Variants in CUL9 observed in about 807,000 individuals in gnomAD.
CUL9 encodes the protein cullin-9.
CUL9 carries 79 observed loss-of-function variants against 272.6 expected under a neutral mutation model. That is an observed-to-expected ratio of 0.29 (90% CI 0.24 to 0.35). The LOEUF is 0.35. CUL9 is among the 10% of genes least tolerant of loss of function. CUL9 has a pLI of 1.00. For synonymous variants in CUL9, 1,186 were observed against 1,286.5 expected, an observed-to-expected ratio of 0.92 and a Z score of 1.67; for missense variants, 2,532 against 3,255.6, an observed-to-expected ratio of 0.78 and a Z score of 5.41.
At chr6:43,201,774 C>T (rs1361830154) in intron 16 of CUL9, among the ~76,000 whole-genome samples, 5 of 152,208 alleles carry the variant, frequency 3.3e-5, no homozygotes, top group Non-Finnish European at 5.9e-5. Context: ...CCACTGCGCC[C>T]GGCCGAAAGC....
At position 43,199,974 on chromosome 6, in the gene CUL9, C is replaced by T. The variant is rs770994901; in HGVS notation, c.3202C>T (p.His1068Tyr). The T allele has an allele frequency of 2.5e-6, 4 of 1,614,104 alleles. No individual in the cohort carries two copies. The South Asian group carries it at 4.4e-5, about 18-fold the overall frequency. Residue 1068 changes from histidine to tyrosine, a missense_variant, in exon 14 of 41, where the codon CAT becomes TAT. Around this residue, in one of 3 missense-constraint regions of CUL9, gnomAD observed 2,218 missense variants for 2,788.6 expected, o/e 0.80. Coordinates refer to ENST00000252050, the MANE Select transcript of CUL9 (RefSeq NM_015089.4). The surrounding 1 kb of genome is among the most constrained non-coding windows in gnomAD (Gnocchi z 4.4). Reference protein sequence around the residue: ...TCFLHRLASMHKDYAVVLCCL... With the variant: ...TCFLHRLASMYKDYAVVLCCL... ...CTTCCTACATCGCCTGGCCTCGATG[C>T]ATAAGGACTATGCTGTGGTGCTCTG...
rs376208550 is a variant in CUL9, at chr6:43,201,453, A to G, written c.3647+619A>G. ...CTTTAAGTCATCATATTTGGTTACA[A>G]TTGAAAGCTGTGTATATCTTTATTT... On this transcript the variant is annotated intron_variant, in intron 16 of 40. Coordinates refer to ENST00000252050, the MANE Select transcript of CUL9 (RefSeq NM_015089.4). 2.6e-5 allele frequency among the ~76,000 whole-genome samples: 4 copies of G among 152,274 alleles called. No individual in the cohort carries two copies. In the East Asian group the frequency reaches 5.8e-4, roughly 22 times the overall value.
chr6:43,214,947 G>T lies in CUL9; in HGVS notation c.5689-132G>T, dbSNP rs899282289. 19 of 1,055,066 alleles carry T rather than the reference G, an allele frequency of 1.8e-5. No homozygotes were observed. In the African/African-American group the frequency reaches 3.0e-4, roughly 17 times the overall value. 65.4% of individuals were successfully genotyped at this position (1,055,066 alleles called of 1,614,324 possible). A position where few individuals can be genotyped will look rare whatever the true frequency, so the allele number is the denominator to read the frequency against. On this transcript the variant is annotated intron_variant, in intron 29 of 40. Transcript: ENST00000252050. Reference sequence around the variant, plus strand: ...AGCTGTGATCAGGCCACTGCACTCTGGCCTGGGTGACAGAGCAAGACTGTC... The same window carrying T: ...AGCTGTGATCAGGCCACTGCACTCTTGCCTGGGTGACAGAGCAAGACTGTC...
rs766012438 is a variant in CUL9 at position 43,204,829 on chromosome 6, A to C, written c.4421A>C (p.Gln1474Pro). The stretch of plus-strand genomic sequence containing the variant: ...AGCAGCAGCCTGAGGAACATAACCC[A>C]GTGCTGGCTGAGCGTGGTGCAGGAG... ...LPSSSLRNIT[Q>P]CWLSVVQEQV... Residue 1474 changes from glutamine to proline, a missense_variant, in exon 22 of 41, where the codon CAG becomes CCG. Gln to Pro is a moderately conservative substitution (Grantham distance 76, BLOSUM62 -1). Transcript: ENST00000252050. 1 of 1,614,220 alleles carries C rather than the reference A, an allele frequency of 6.2e-7. No homozygotes were observed. The highest frequency in any genetic ancestry group is 8.5e-7 in the Non-Finnish European group (1 of 1,180,030).
At chr6:43,215,381 G>T in intron 30 of CUL9, 55 bp downstream of exon 30, 1 of 1,534,146 alleles carries the variant, frequency 6.5e-7, no homozygotes, top group Non-Finnish European at 8.7e-7. Context: ...TCATGCCAAA[G>T]CCAAGATCCC....
chr6:43,223,639 G>A lies in CUL9; in HGVS notation c.7284+242G>A. On this transcript the variant is annotated intron_variant, in intron 39 of 40. Transcript: ENST00000252050. This position sits in a 1 kb window ranked among gnomAD's most constrained non-coding sequence, Gnocchi z 4.1. ...AGGGGTTGGCTAGCCCACATCAAGGGTATTTGGTCAGGTGCCTATCAGAAT... is the reference window on the plus strand; with the variant it reads ...AGGGGTTGGCTAGCCCACATCAAGGATATTTGGTCAGGTGCCTATCAGAAT... The A allele has an allele frequency of 1.7e-6, 1 of 575,550 alleles. No individual in the cohort carries two copies. Among genetic ancestry groups the A allele is most frequent in the East Asian group, 2.8e-5 (1 of 35,246 alleles). 35.7% of individuals were successfully genotyped at this position (575,550 alleles called of 1,614,324 possible).
At chr6:43,191,481 ATTTTT>A (rs34090146) in intron 8 of CUL9, among the ~76,000 whole-genome samples, 26 of 97,452 alleles carry the variant, frequency 2.7e-4, no homozygotes, top group African/African-American at 1.1e-3. Flanking sequence ...CACCCAGCTA[ATTTTT>A]TTTTTTTTTT....
In CUL9 at chr6:43,184,325, G is replaced by A. The variant is rs760659198; in HGVS notation, c.15G>A (p.Arg5=). Residue 5 remains arginine, a synonymous_variant, in exon 2 of 41, where the codon CGG becomes CGA. Transcript: ENST00000252050. The surrounding 1 kb of genome is among the most constrained non-coding windows in gnomAD (Gnocchi z 4.8). MVGE[R]HAGDLMVPLG... is the part of the protein sequence containing the mutation. ...AGGAGGTCAGGATGGTGGGGGAACG[G>A]CATGCTGGGGACCTCATGGTGCCCT... 11 of 1,526,342 alleles carry A rather than the reference G, an allele frequency of 7.2e-6. 1 individual carries two copies. In the South Asian group the frequency reaches 1.1e-4, roughly 16 times the overall value. The allele number at this position is 1,526,342 out of a possible 1,614,324, so 94.5% of individuals were successfully genotyped here.
intron 16 of CUL9, among the ~76,000 whole-genome samples, chr6:43,201,683 G>T (rs980783976): frequency 6.6e-6 from 1 of 152,148 alleles, no homozygotes; most frequent in Non-Finnish European, 1.5e-5. Context: ...GTTTCACCGT[G>T]TTAGTCAGGA....
Position 43,220,245 on chromosome 6 carries a change from C to A in CUL9, c.6283-214C>A, listed in dbSNP as rs891039431. Among the ~76,000 whole-genome samples, 1 of 152,158 alleles carries A rather than the reference C, an allele frequency of 6.6e-6. No homozygotes were observed. The highest frequency in any genetic ancestry group is 1.5e-5 in the Non-Finnish European group (1 of 68,036). On this transcript the variant is annotated intron_variant, in intron 31 of 40. Coordinates refer to ENST00000252050, the MANE Select transcript of CUL9 (RefSeq NM_015089.4). The surrounding 1 kb of genome is among the most constrained non-coding windows in gnomAD (Gnocchi z 4.9). ...ATTATGATTAGGCAAATACACAGCC[C>A]ACCCCATCCTCAAAGACAACTGTAA...
At chr6:43,219,513 A>C (rs1776170973) in intron 31 of CUL9, among the ~76,000 whole-genome samples, 1 of 106,152 alleles carries the variant, frequency 9.4e-6, no homozygotes, top group Admixed American at 8.6e-5. Context: ...ATTTGCATTC[A>C]ATTTCCCAAC....
chr6:43,212,220 G>T (rs1447767259), intron 26 of CUL9, among the ~76,000 whole-genome samples: 1 of 152,218 alleles, frequency 6.6e-6, no homozygotes, highest in African/African-American at 2.4e-5. Flanking sequence ...CTTCCACCAG[G>T]AGGCAGGTTC....
chr6:43,222,081 A>G (rs1392425887), intron 35 of CUL9: 1 of 599,364 alleles, frequency 1.7e-6, no homozygotes, highest in Admixed American at 3.0e-5. Context: ...CTGCATTTAG[A>G]GCCTGGCTCT....
At position 43,221,163 on chromosome 6, in the gene CUL9, C is replaced by T. The variant is rs1776333933; in HGVS notation, c.6594C>T (p.His2198=). 3.1e-6 allele frequency: 5 copies of T among 1,610,732 alleles called. No homozygotes were observed. In the African/African-American group the frequency reaches 4.0e-5, roughly 13 times the overall value. ...ACCATGCCCTCTTGCCTTAGGCACA[C>T]TACCCTGCTAGCTGTGGCCATATGT... The part of the protein sequence containing the change: ...SCFNCSFPEA[H]YPASCGHMSQ... The change falls in exon 34 of 41, where the codon CAC becomes CAT. Residue 2198 remains histidine, a synonymous_variant. Transcript: ENST00000252050. The surrounding 1 kb of genome is among the most constrained non-coding windows in gnomAD (Gnocchi z 4.2).
At chr6:43,204,108 A>G (rs529721631) in intron 20 of CUL9, 121 bp downstream of exon 20, 2 of 1,307,294 alleles carry the variant, frequency 1.5e-6, no homozygotes, top group East Asian at 2.5e-5. Flanking sequence ...CTGTCACCTC[A>G]GTGTTCCTCT....
Position 43,200,888 on chromosome 6 carries a change from G to T in CUL9, c.3647+54G>T. 10 of 1,605,128 alleles carry T rather than the reference G, an allele frequency of 6.2e-6. No individual in the cohort carries two copies. In the South Asian group the frequency reaches 8.8e-5, roughly 14 times the overall value. On this transcript the variant is annotated intron_variant, in intron 16 of 40. Coordinates refer to ENST00000252050, the MANE Select transcript of CUL9 (RefSeq NM_015089.4). This position sits in a 1 kb window ranked among gnomAD's most constrained non-coding sequence, Gnocchi z 4.0. ...CTGTGCCCCAGGATACTTCCCCAAA[G>T]CACCCAGATACACACAACCCCAGCT... is the stretch of plus-strand genomic sequence containing the variant.
In CUL9 at chr6:43,205,204, C is replaced by G; in HGVS notation, c.4633-59C>G. The G allele has an allele frequency of 3.8e-6, 6 of 1,595,014 alleles. No individual in the cohort carries two copies. In the South Asian group the frequency reaches 6.7e-5, roughly 18 times the overall value. On this transcript the variant is annotated intron_variant, in intron 23 of 40. Coordinates refer to ENST00000252050, the MANE Select transcript of CUL9 (RefSeq NM_015089.4). ...TGCCCTTTCACCTCCTTTCGCTCCC[C>G]AGTCTCCTACTCCACTCCCTCATTC...
chr6:43,205,219 C>T, intron 23 of CUL9, 44 bp from the exon 24 acceptor site: 1 of 1,603,078 alleles, frequency 6.2e-7, no homozygotes, highest in Non-Finnish European at 8.5e-7. Flanking sequence ...TCCTACTCCA[C>T]TCCCTCATTC....
chr6:43,191,042 T>C (rs968412795), intron 8 of CUL9, among the ~76,000 whole-genome samples: 1 of 152,214 alleles, frequency 6.6e-6, no homozygotes, highest in Non-Finnish European at 1.5e-5. Flanking sequence ...TCAGCTTTTT[T>C]ATGGCTTCTA....
Sources: gnomAD v4.1 joint callset for allele counts (sites outside exome capture counted in the v4.1 genomes callset) on GRCh38, gnomAD v4.1.1 for gene constraint, gnomAD v4.1.1 regional missense constraint, Gnocchi (gnomAD v3.1) non-coding constraint, MANE v1.5 for transcripts, NCBI Gene and HGNC (gene_info 2026-07-23, HGNC 2026-07-21) for gene names.